Variants in PTPRJ observed in about 807,000 individuals in gnomAD.
The protein encoded by PTPRJ is receptor-type tyrosine-protein phosphatase eta.
PTPRJ carries 129 observed loss-of-function variants against 141.3 expected under a neutral mutation model. The observed-to-expected ratio is 0.91, with a 90% CI of 0.79 to 1.06. PTPRJ has a LOEUF of 1.06. PTPRJ is among the 50% of genes least tolerant of loss of function. PTPRJ has a pLI of 0.00. For synonymous variants in PTPRJ, 610 were observed against 640.5 expected (o/e 0.95, Z 0.72); for missense variants, 1,601 against 1,679.7 (o/e 0.95, Z 0.82).
intron 14 of PTPRJ, among the ~76,000 whole-genome samples, chr11:48,146,146 G>A (rs1857345442): frequency 6.6e-6 from 1 of 152,164 alleles, no homozygotes; most frequent in South Asian, 2.1e-4. Context: ...CTGCTTTTTG[G>A]AAGTGAGACT....
chr11:48,049,823 T>C (rs915727223), intron 1 of PTPRJ, among the ~76,000 whole-genome samples: 2 of 152,090 alleles, frequency 1.3e-5, no homozygotes, highest in African/African-American at 4.8e-5. Flanking sequence ...GTGGGCTTAA[T>C]GTGGGGTAAC....
chr11:48,008,144 G>A (rs143689998), intron 1 of PTPRJ, among the ~76,000 whole-genome samples: 2 of 152,364 alleles, frequency 1.3e-5, no homozygotes, highest in East Asian at 1.9e-4. Context: ...CTGGGGAAGA[G>A]TTGAAGGTGT....
chr11:48,134,705 A>T (rs912571441), intron 8 of PTPRJ, among the ~76,000 whole-genome samples: 3 of 152,172 alleles, frequency 2.0e-5, no homozygotes. Context: ...GACAGGGTTG[A>T]AAGCCGCGGT....
Position 48,167,152 on chromosome 11 carries a change from A to C in PTPRJ, c.3856-52A>C. 1.9e-6 allele frequency: 3 copies of C among 1,543,766 alleles called. No homozygotes were observed. In the Admixed American group the frequency reaches 5.3e-5, roughly 27 times the overall value. The stretch of plus-strand genomic sequence containing the variant: ...TGTTTGAAAATAATTTTGGGTGCTA[A>C]TTTCTGGGACCCATGTTCATTTTCT... On this transcript the variant is annotated intron_variant, in intron 24 of 24. Coordinates refer to ENST00000418331, the MANE Select transcript of PTPRJ (RefSeq NM_002843.4).
intron 1 of PTPRJ, among the ~76,000 whole-genome samples, chr11:48,085,368 AC>A (rs1855674726): frequency 6.6e-6 from 1 of 151,338 alleles, no homozygotes; most frequent in Non-Finnish European, 1.5e-5. Context: ...ACGGAGTTTC[AC>A]TGTGTCACCC....
chr11:48,084,990 CA>C (rs1855660327), intron 1 of PTPRJ, among the ~76,000 whole-genome samples: 1 of 152,224 alleles, frequency 6.6e-6, no homozygotes, highest in African/African-American at 2.4e-5. Flanking sequence ...TTCACCGACA[CA>C]GTTTCACATT....
At chr11:48,022,073 C>T (rs925232187) in intron 1 of PTPRJ, among the ~76,000 whole-genome samples, 3 of 152,132 alleles carry the variant, frequency 2.0e-5, no homozygotes, top group African/African-American at 7.2e-5. Flanking sequence ...AATAATAGAA[C>T]CTGTGTCATT....
At chr11:48,108,030 G>C (rs950564112) in intron 1 of PTPRJ, among the ~76,000 whole-genome samples, 3 of 152,228 alleles carry the variant, frequency 2.0e-5, no homozygotes, top group Non-Finnish European at 4.4e-5. Context: ...GATGCAGTGA[G>C]CTGTGATTGC....
At chr11:48,080,102 T>G (rs975403477) in intron 1 of PTPRJ, among the ~76,000 whole-genome samples, 1 of 152,076 alleles carries the variant, frequency 6.6e-6, no homozygotes, top group African/African-American at 2.4e-5. Flanking sequence ...TTAGAGAAAT[T>G]AAGTCTTATT....
At chr11:47,981,880 G>A (rs940103745) in intron 1 of PTPRJ, among the ~76,000 whole-genome samples, 2 of 152,184 alleles carry the variant, frequency 1.3e-5, no homozygotes, top group African/African-American at 2.4e-5. Flanking sequence ...CTGAGCCAGC[G>A]GGCACGTCCT....
intron 1 of PTPRJ, among the ~76,000 whole-genome samples, chr11:48,042,237 T>C (rs572732567): frequency 6.6e-6 from 1 of 152,270 alleles, no homozygotes; most frequent in South Asian, 2.1e-4. Context: ...TTTGGTCATA[T>C]GAATTTTATT....
intron 7 of PTPRJ, 140 bp from the exon 8 acceptor site, chr11:48,130,319 G>A (rs1385151189): frequency 1.2e-6 from 1 of 839,572 alleles, no homozygotes; most frequent in East Asian, 2.7e-5. Context: ...GGCTCATGTT[G>A]TAGGTGATGA....
rs71045551 is a variant in PTPRJ at position 48,168,534 on chromosome 11, G to GTATATATATATA, written c.*1209_*1220dup. 9 of 44,072 alleles carry GTATATATATATA rather than the reference G, an allele frequency of 2.0e-4. No homozygotes were observed. The highest frequency in any genetic ancestry group is 4.5e-4 in the African/African-American group (5 of 11,000). 2.7% of individuals were successfully genotyped at this position (44,072 alleles called of 1,614,324 possible). A position where few individuals can be genotyped will look rare whatever the true frequency, so the allele number is the denominator to read the frequency against. Reference sequence around the variant, plus strand: ...CGTGACACATATCGGAATCTACTGTGTATATATATATATATATATATATAT... The same window carrying GTATATATATATA: ...CGTGACACATATCGGAATCTACTGTGTATATATATATATATATATATATATATATATATATAT... On this transcript the variant is annotated 3_prime_UTR_variant, in exon 25 of 25. Coordinates refer to ENST00000418331, the MANE Select transcript of PTPRJ (RefSeq NM_002843.4).
At chr11:48,094,691 C>T (rs893385535) in intron 1 of PTPRJ, among the ~76,000 whole-genome samples, 11 of 152,106 alleles carry the variant, frequency 7.2e-5, no homozygotes, top group African/African-American at 2.4e-4. Context: ...GTGTTTACTG[C>T]GATGGGTGTG....
intron 1 of PTPRJ, among the ~76,000 whole-genome samples, chr11:48,052,289 G>A (rs145756555): frequency 3.9e-4 from 59 of 152,342 alleles, no homozygotes; most frequent in African/African-American, 1.3e-3. Flanking sequence ...GAGCATAGAT[G>A]GATGCTTTTC....
intron 1 of PTPRJ, among the ~76,000 whole-genome samples, chr11:48,073,963 A>G (rs144095120): frequency 6.6e-5 from 10 of 152,332 alleles, no homozygotes; most frequent in Admixed American, 5.2e-4. Flanking sequence ...ACCATAGTTT[A>G]TAATTTATAA....
rs1308530772 is a variant in PTPRJ at position 48,168,571 on chromosome 11, T to G, written c.*1209T>G. ...ATATATATATATATATATATATATA[T>G]ATATATATATACACTAAGCTCTCAA... On this transcript the variant is annotated 3_prime_UTR_variant, in exon 25 of 25. Transcript: ENST00000418331. 2.4e-5 allele frequency: 3 copies of G among 126,024 alleles called. No individual in the cohort carries two copies. Among genetic ancestry groups the G allele is most frequent in the Admixed American group, 7.8e-5 (1 of 12,760 alleles). 7.8% of individuals were successfully genotyped at this position (126,024 alleles called of 1,614,324 possible).
intron 1 of PTPRJ, among the ~76,000 whole-genome samples, chr11:48,025,092 G>A (rs1044785775): frequency 1.3e-5 from 2 of 152,206 alleles, no homozygotes; most frequent in Non-Finnish European, 2.9e-5. Context: ...ATGGGATCTG[G>A]GAAAGGGGTT....
chr11:48,135,637 A>C (rs2134358323), intron 8 of PTPRJ, among the ~76,000 whole-genome samples: 1 of 152,054 alleles, frequency 6.6e-6, no homozygotes, highest in South Asian at 2.1e-4. Context: ...GTGTACCACC[A>C]CACCCAACTA....
Sources: allele counts gnomAD v4.1 joint callset (sites outside exome capture counted in the v4.1 genomes callset), GRCh38; gene constraint gnomAD v4.1.1; transcripts MANE v1.5; gene names NCBI Gene and HGNC (gene_info 2026-07-23, HGNC 2026-07-21).